Variants in FRMD5 observed in about 807,000 individuals in gnomAD.
The protein encoded by FRMD5 is FERM domain containing 5.
A neutral mutation model predicts 69.0 loss-of-function variants in FRMD5; 20 were observed. That is an observed-to-expected ratio of 0.29 (90% CI 0.20 to 0.42). FRMD5 has a LOEUF of 0.42. Among genes scored for constraint, FRMD5 ranks in the 10% least tolerant of loss-of-function variants. FRMD5 has a pLI of 1.00. For missense variants in FRMD5, 595 were observed against 708.6 expected, an observed-to-expected ratio of 0.84 and a Z score of 1.82; for synonymous variants, 271 against 260.1, an observed-to-expected ratio of 1.04 and a Z score of -0.40.
At chr15:44,024,308 G>A (rs1891340166) in intron 1 of FRMD5, among the ~76,000 whole-genome samples, 1 of 151,984 alleles carries the variant, frequency 6.6e-6, no homozygotes, top group African/African-American at 2.4e-5. Flanking sequence ...TCTCCTGGGA[G>A]AATTTCTTTA....
At chr15:44,020,199 C>T (rs1891153554) in intron 1 of FRMD5, among the ~76,000 whole-genome samples, 4 of 151,466 alleles carry the variant, frequency 2.6e-5, no homozygotes, top group South Asian at 2.1e-4. Flanking sequence ...TGCAGTGGTG[C>T]GATCTTGGCT....
At chr15:44,187,238 T>G (rs921667884) in intron 1 of FRMD5, among the ~76,000 whole-genome samples, 7 of 152,236 alleles carry the variant, frequency 4.6e-5, no homozygotes, top group Non-Finnish European at 1.0e-4. Context: ...GAATCCACCT[T>G]TTCTTGACAT....
Position 43,910,018 on chromosome 15 carries a change from T to A in FRMD5, c.330-39A>T, listed in dbSNP as rs750837384. 4 of 1,179,694 alleles carry A rather than the reference T, an allele frequency of 3.4e-6. No homozygotes were observed. In the African/African-American group the frequency reaches 6.0e-5, roughly 18 times the overall value. The allele number at this position is 1,179,694 out of a possible 1,614,324, so 73.1% of individuals were successfully genotyped here. A position where few individuals can be genotyped will look rare whatever the true frequency, so the allele number is the denominator to read the frequency against. On this transcript the variant is annotated intron_variant, in intron 4 of 13. Coordinates refer to ENST00000417257, the MANE Select transcript of FRMD5 (RefSeq NM_032892.5). ...AGAGAATAAACTATAAAGGATTTCT[T>A]TGATTGCTTTAAAGATAGAAATATG... is the stretch of plus-strand genomic sequence containing the variant.
intron 1 of FRMD5, among the ~76,000 whole-genome samples, chr15:44,097,699 G>A (rs2706488): frequency 0.82 from 125,328 of 152,208 alleles, 54,450 homozygotes; most frequent in Non-Finnish European, 0.95. Context: ...AACTCCTTCC[G>A]TGGGCAGAAG....
chr15:44,008,089 ATTTTTTT>A (rs35785368), intron 1 of FRMD5, among the ~76,000 whole-genome samples: 59 of 62,826 alleles, frequency 9.4e-4, no homozygotes, highest in African/African-American at 2.4e-3. Context: ...ACAATCGGCA[ATTTTTTT>A]TTTTTTTTTT....
chr15:43,988,695 G>A (rs1319527698), intron 1 of FRMD5, among the ~76,000 whole-genome samples: 2 of 152,186 alleles, frequency 1.3e-5, no homozygotes, highest in Non-Finnish European at 1.5e-5. Context: ...TAATTTACAT[G>A]AAAGCAATGC....
chr15:44,181,782 T>G (rs1406424689), intron 1 of FRMD5, among the ~76,000 whole-genome samples: 1 of 152,064 alleles, frequency 6.6e-6, no homozygotes, highest in African/African-American at 2.4e-5. Context: ...GGCATGCACC[T>G]GTAGTCCCAG....
At chr15:44,166,783 C>CAAAAA (rs1006711939) in intron 1 of FRMD5, among the ~76,000 whole-genome samples, 3 of 53,014 alleles carry the variant, frequency 5.7e-5, no homozygotes, top group South Asian at 8.0e-4. Context: ...GACCCTATCT[C>CAAAAA]AAAAAAAAAA....
intron 1 of FRMD5, among the ~76,000 whole-genome samples, chr15:44,014,000 G>C (rs1290606204): frequency 6.6e-6 from 1 of 151,968 alleles, no homozygotes; most frequent in Non-Finnish European, 1.5e-5. Context: ...GGGACTACAG[G>C]TGCCTGCCAC....
At chr15:43,990,831 G>A (rs554529059) in intron 1 of FRMD5, among the ~76,000 whole-genome samples, 1 of 152,300 alleles carries the variant, frequency 6.6e-6, no homozygotes, top group South Asian at 2.1e-4. Context: ...CAGTTGAAGT[G>A]GTAATTTAAC....
intron 1 of FRMD5, among the ~76,000 whole-genome samples, chr15:44,041,435 A>G (rs985767156): frequency 2.2e-4 from 33 of 152,132 alleles, no homozygotes; most frequent in African/African-American, 8.0e-4. Context: ...ACCACATAAT[A>G]GACATCTACA....
intron 1 of FRMD5, among the ~76,000 whole-genome samples, chr15:43,984,288 T>G (rs986458530): frequency 6.6e-5 from 10 of 152,126 alleles, no homozygotes; most frequent in African/African-American, 2.4e-4. Flanking sequence ...CTTTACAGAA[T>G]AGTATATTCA....
chr15:43,886,982 C>T lies in FRMD5; in HGVS notation c.884+1193G>A, dbSNP rs535436750. 5.9e-5 allele frequency among the ~76,000 whole-genome samples: 9 copies of T among 152,262 alleles called. No individual in the cohort carries two copies. The South Asian group carries it at 8.3e-4, about 14-fold the overall frequency. On this transcript the variant is annotated intron_variant, in intron 10 of 13. Coordinates refer to ENST00000417257, the MANE Select transcript of FRMD5 (RefSeq NM_032892.5). ...GGCTGGGTGGGTAGGGAGATCTACT[C>T]GTGGGAAGACTCAGAAACTGAGTGA...
intron 1 of FRMD5, among the ~76,000 whole-genome samples, chr15:44,129,187 GA>G (rs200365004): frequency 6.8e-5 from 10 of 147,388 alleles, no homozygotes; most frequent in South Asian, 2.1e-4. Flanking sequence ...AATCTAAAAT[GA>G]AAAAAAAAAT....
rs1211703203 is a variant in FRMD5, at chr15:44,195,271, T to A, written c.-217A>T. ...CCAGCCCAGATCAAGCGCCGGGCTC[T>A]GTCTCCTCGGCGCCCCAGTGCCCGT... On this transcript the variant is annotated 5_prime_UTR_variant, in exon 1 of 14. Transcript: ENST00000417257. 1 of 509,450 alleles carries A rather than the reference T, an allele frequency of 2.0e-6. No individual in the cohort carries two copies. The highest frequency in any genetic ancestry group is 3.4e-6 in the Non-Finnish European group (1 of 290,052). The allele number at this position is 509,450 out of a possible 1,614,324, so 31.6% of individuals were successfully genotyped here.
intron 1 of FRMD5, among the ~76,000 whole-genome samples, chr15:43,995,844 T>TG (rs1342383044): frequency 6.6e-6 from 1 of 152,010 alleles, no homozygotes; most frequent in Non-Finnish European, 1.5e-5. Flanking sequence ...CTTGGAACCT[T>TG]GGTCCACATG....
At chr15:44,004,586 C>T (rs1046774690) in intron 1 of FRMD5, among the ~76,000 whole-genome samples, 2 of 152,206 alleles carry the variant, frequency 1.3e-5, no homozygotes, top group African/African-American at 4.8e-5. Flanking sequence ...AAGCCATGCC[C>T]ATAGAAGATG....
intron 1 of FRMD5, among the ~76,000 whole-genome samples, chr15:44,133,151 T>C (rs1450236967): frequency 6.6e-6 from 1 of 151,854 alleles, no homozygotes; most frequent in Non-Finnish European, 1.5e-5. Flanking sequence ...GAGTCGGAGA[T>C]TGCAGTGAGC....
intron 1 of FRMD5, among the ~76,000 whole-genome samples, chr15:44,156,994 G>A (rs558303784): frequency 1.3e-5 from 2 of 152,192 alleles, no homozygotes; most frequent in South Asian, 4.1e-4. Context: ...GGCAAGCTGG[G>A]AATTGGAGGT....
Sources: allele counts gnomAD v4.1 joint callset (sites outside exome capture counted in the v4.1 genomes callset), GRCh38; gene constraint gnomAD v4.1.1; transcripts MANE v1.5; gene names NCBI Gene and HGNC (gene_info 2026-07-23, HGNC 2026-07-21).